ACSM2B: variants seen among roughly 807,000 people sequenced by gnomAD.
ACSM2B encodes acyl-coenzyme A synthetase ACSM2B, mitochondrial.
Under a neutral mutation model 78.6 loss-of-function variants are expected in ACSM2B, and 58 were observed. That is an observed-to-expected ratio of 0.74 (90% CI 0.60 to 0.92). The LOEUF is 0.92. Ranked by LOEUF, ACSM2B falls within the 40% of genes least tolerant of loss-of-function variation. The pLI is 0.00. For synonymous variants in ACSM2B, 257 were observed against 256.8 expected, an observed-to-expected ratio of 1.00 and a Z score of -0.01; for missense variants, 688 against 711.2, an observed-to-expected ratio of 0.97 and a Z score of 0.37.
At chr16:20,558,441 T>C (rs965946721) in intron 3 of ACSM2B, among the ~76,000 whole-genome samples, 2 of 151,232 alleles carry the variant, frequency 1.3e-5, no homozygotes, top group Non-Finnish European at 2.9e-5. Context: ...AACTTGGCTG[T>C]CTATGCAATT....
rs569466041 is a variant in ACSM2B at position 20,544,532 on chromosome 16, T to C, written c.1281+625A>G. On this transcript the variant is annotated intron_variant, in intron 10 of 13. Transcript: ENST00000329697. ...CAATAAATGGTAGAAACTATTATTA[T>C]TTGATTTATTATTTATTTAGTTTAT... 118 of 955,080 alleles carry C rather than the reference T, an allele frequency of 1.2e-4. No homozygotes were observed. In the African/African-American group the frequency reaches 2.0e-3, roughly 16 times the overall value. The allele number at this position is 955,080 out of a possible 1,614,324, so 59.2% of individuals were successfully genotyped here.
chr16:20,549,792 G>T, intron 6 of ACSM2B: 1 of 450,446 alleles, frequency 2.2e-6, no homozygotes. Context: ...GGTCCAGAAA[G>T]GTGGGGCAAC....
chr16:20,558,218 C>T (rs930388404), intron 3 of ACSM2B, among the ~76,000 whole-genome samples: 1 of 152,066 alleles, frequency 6.6e-6, no homozygotes. Context: ...CTACCCAGAT[C>T]AGTAACTGAT....
chr16:20,552,873 T>C (rs1346747272), intron 5 of ACSM2B, among the ~76,000 whole-genome samples: 1 of 152,200 alleles, frequency 6.6e-6, no homozygotes, highest in Non-Finnish European at 1.5e-5. Flanking sequence ...ACTGCCATAG[T>C]GTATCTTCTT....
At chr16:20,552,437 TTAAGTA>T (rs1037995125) in intron 5 of ACSM2B, 140 bp from the exon 6 acceptor site, 2 of 1,261,492 alleles carry the variant, frequency 1.6e-6, no homozygotes, top group Non-Finnish European at 2.1e-6. Context: ...AGGCATATGT[TTAAGTA>T]TAAGTAGGAA....
intron 1 of ACSM2B, among the ~76,000 whole-genome samples, chr16:20,568,397 T>C (rs2015996812): frequency 3.4e-5 from 5 of 146,258 alleles, no homozygotes; most frequent in Admixed American, 2.8e-4. Flanking sequence ...TATACTACTA[T>C]ATATAAATAT....
intron 9 of ACSM2B, among the ~76,000 whole-genome samples, chr16:20,546,021 T>G (rs967285160): frequency 1.3e-5 from 2 of 152,220 alleles, no homozygotes; most frequent in Admixed American, 1.3e-4. Flanking sequence ...AAAATCATGC[T>G]GCAGGTTGGC....
intron 3 of ACSM2B, among the ~76,000 whole-genome samples, chr16:20,557,621 T>C (rs2015515061): frequency 6.6e-6 from 1 of 152,192 alleles, no homozygotes; most frequent in Admixed American, 6.5e-5. Context: ...AATCCATCAA[T>C]CATTTCCCAT....
intron 1 of ACSM2B, among the ~76,000 whole-genome samples, chr16:20,575,001 C>A (rs2016205643): frequency 6.7e-6 from 1 of 148,970 alleles, no homozygotes; most frequent in Non-Finnish European, 1.5e-5. Flanking sequence ...AAACTCCTTG[C>A]CTCTCATGAG....
rs574115845 is a variant in ACSM2B at position 20,537,265 on chromosome 16, G to A, written c.1727C>T (p.Ala576Val). Residue 576 changes from alanine to valine, a missense_variant, in exon 14 of 14, where the codon GCG becomes GTG. Transcript: ENST00000329697. Reference protein sequence around the residue: ...KEWKMSGKARAQ With the variant: ...KEWKMSGKARVQ ...GAATGTCTCCTAGACGCCTCACTGC[G>A]CACGGGCTTTTCCGGACATCTTCCA... The A allele has an allele frequency of 9.7e-5, 156 of 1,613,992 alleles. 4 individuals are homozygous for A. In the East Asian group the frequency reaches 1.9e-3, roughly 20 times the overall value.
rs1163170443 is a variant in ACSM2B at position 20,567,241 on chromosome 16, GTAATATA to G, written c.-8-2395_-8-2389del. ...CTATATACTATATATAATATATAGT[GTAATATA>G]TAATATATAATATATAGTATAATAT... On this transcript the variant is annotated intron_variant, in intron 1 of 13. Transcript: ENST00000329697. Among the ~76,000 whole-genome samples the G allele has an allele frequency of 3.4e-3, 428 of 124,222 alleles. 1 individual carries two copies. The highest frequency in any genetic ancestry group is 5.2e-3 in the Non-Finnish European group (325 of 62,406). The allele number at this position is 124,222 out of a possible 152,430, so 81.5% of individuals were successfully genotyped here.
intron 7 of ACSM2B, 91 bp from the exon 8 acceptor site, chr16:20,548,276 C>T (rs2015203292): frequency 1.4e-5 from 23 of 1,608,294 alleles, no homozygotes; most frequent in Non-Finnish European, 6.0e-6. Flanking sequence ...TTTGATGATG[C>T]AAATGGCTTC....
intron 6 of ACSM2B, among the ~76,000 whole-genome samples, chr16:20,551,182 G>A (rs935542821): frequency 5.9e-5 from 9 of 152,050 alleles, no homozygotes; most frequent in Admixed American, 3.9e-4. Flanking sequence ...ATTAACTTAT[G>A]GGGGGCAGAT....
intron 12 of ACSM2B, chr16:20,541,783 T>A (rs181700094): frequency 6.7e-6 from 1 of 150,294 alleles, no homozygotes; most frequent in Non-Finnish European, 1.5e-5. Flanking sequence ...CCCGGGTTCA[T>A]GTGATTCTCC....
Position 20,552,241 on chromosome 16 carries a change from A to G in ACSM2B, c.797T>C (p.Ile266Thr), listed in dbSNP as rs1465207347. 1 of 1,613,796 alleles carries G rather than the reference A, an allele frequency of 6.2e-7. No individual in the cohort carries two copies. Among genetic ancestry groups the G allele is most frequent in the Non-Finnish European group, 8.5e-7 (1 of 1,179,840 alleles). ...IMWTISDTGW[I>T]LNILGSLLES... ...CAAAAGTGAGCCCAAGATGTTCAGT[A>G]TCCAACCTGTGTCTGATATGGTCCA... Residue 266 changes from isoleucine (I) to threonine (T), a missense_variant, in exon 6 of 14, where the codon ATA (isoleucine) becomes ACA (threonine). Transcript: ENST00000329697.
chr16:20,542,673 T>A (rs1295581007), intron 12 of ACSM2B: 4 of 518,876 alleles, frequency 7.7e-6, no homozygotes, highest in Non-Finnish European at 1.3e-5. Flanking sequence ...GAAATCACCA[T>A]ACTTAAGTAC....
At position 20,552,209 on chromosome 16, in the gene ACSM2B, A is replaced by G; in HGVS notation, c.829T>C (p.Trp277Arg). The change falls in exon 6 of 14, where the codon TGG becomes CGG. Residue 277 changes from tryptophan to arginine, a missense_variant. Physicochemically the swap from Trp to Arg is moderately radical, Grantham distance 101. Coordinates refer to ENST00000329697, the MANE Select transcript of ACSM2B (RefSeq NM_001105069.2). ...ACAAATGTGCATGCTCCTAATGTCC[A>G]AGATTCCAAAAGTGAGCCCAAGATG... is the stretch of plus-strand genomic sequence containing the variant. ...LNILGSLLES[W>R]TLGACTFVHL... is the part of the protein sequence containing the mutation. 2 of 1,613,922 alleles carry G rather than the reference A, an allele frequency of 1.2e-6. No homozygotes were observed. The highest frequency in any genetic ancestry group is 1.7e-6 in the Non-Finnish European group (2 of 1,179,844).
chr16:20,556,464 T>G (rs1257934999), intron 3 of ACSM2B, among the ~76,000 whole-genome samples: 2 of 152,138 alleles, frequency 1.3e-5, no homozygotes, highest in African/African-American at 2.4e-5. Context: ...TATCTGGGCT[T>G]GGTGGCACAC....
chr16:20,553,744 C>G, intron 5 of ACSM2B, 33 bp downstream of exon 5: 1 of 1,601,288 alleles, frequency 6.2e-7, no homozygotes, highest in Non-Finnish European at 8.5e-7. Flanking sequence ...CCTGGTCATG[C>G]AATTCTCTGT....
Sources: gnomAD v4.1 joint callset for allele counts (sites outside exome capture counted in the v4.1 genomes callset) on GRCh38, gnomAD v4.1.1 for gene constraint, MANE v1.5 for transcripts, NCBI Gene and HGNC (gene_info 2026-07-23, HGNC 2026-07-21) for gene names.